Variants in NLGN1 observed in about 807,000 individuals in gnomAD.
NLGN1 encodes the protein neuroligin-1.
A neutral mutation model predicts 65.5 loss-of-function variants in NLGN1; 12 were observed. The observed-to-expected ratio is 0.18, with a 90% CI of 0.12 to 0.30. NLGN1 has a LOEUF of 0.30. Ranked by LOEUF, NLGN1 falls within the 10% of genes least tolerant of loss-of-function variation. NLGN1 has a pLI of 1.00. For missense variants in NLGN1, 750 were observed against 1,007.1 expected (o/e 0.74, Z 3.46); for synonymous variants, 350 against 359.5 (o/e 0.97, Z 0.30).
chr3:174,288,006 C>T (rs751170549), downstream of NLGN1, among the ~76,000 whole-genome samples: 1 of 151,484 alleles, frequency 6.6e-6, no homozygotes, highest in Non-Finnish European at 1.5e-5. Flanking sequence ...GTGTTAAACA[C>T]GTGGCCAATT....
intron 4 of NLGN1, among the ~76,000 whole-genome samples, chr3:174,134,835 G>C (rs1417696481): frequency 6.6e-6 from 1 of 152,134 alleles, no homozygotes; most frequent in Non-Finnish European, 1.5e-5. Flanking sequence ...TAAAAGCAGA[G>C]GCGAAGGTCT....
chr3:173,954,924 T>G (rs1244900133), intron 4 of NLGN1, among the ~76,000 whole-genome samples: 1 of 152,064 alleles, frequency 6.6e-6, no homozygotes, highest in East Asian at 1.9e-4. Context: ...CTCCATTAGG[T>G]ATCAACAGGT....
intron 4 of NLGN1, among the ~76,000 whole-genome samples, chr3:173,970,309 A>G (rs1022277146): frequency 3.9e-5 from 6 of 152,158 alleles, no homozygotes; most frequent in African/African-American, 1.4e-4. Context: ...GAGAAAATGT[A>G]CAGGGTGCGT....
Position 174,105,017 on chromosome 3 carries a change from A to C in NLGN1, c.647-170298A>C, listed in dbSNP as rs140960333. ...AAGGATGTGTTCTCAGATTATAACT[A>C]GCAGCAAACATGGAAAAGAATGAGT... On this transcript the variant is annotated intron_variant, in intron 4 of 6. Transcript: ENST00000457714. Among the ~76,000 whole-genome samples, 36 of 152,284 alleles carry C rather than the reference A, an allele frequency of 2.4e-4. No homozygotes were observed. In the East Asian group the frequency reaches 6.8e-3, roughly 29 times the overall value.
At chr3:173,789,988 C>G (rs1489482055) in intron 3 of NLGN1, 1 of 416,580 alleles carries the variant, frequency 2.4e-6, no homozygotes, top group Admixed American at 2.8e-5. Flanking sequence ...CCTTTGTTGT[C>G]ATAACCATGC....
chr3:173,677,563 A>C (rs1207344717), intron 3 of NLGN1, among the ~76,000 whole-genome samples: 1 of 152,130 alleles, frequency 6.6e-6, no homozygotes, highest in African/African-American at 2.4e-5. Context: ...ACAGATGAGC[A>C]GAAATATTGT....
At chr3:174,115,402 T>C (rs1716176186) in intron 4 of NLGN1, among the ~76,000 whole-genome samples, 1 of 152,202 alleles carries the variant, frequency 6.6e-6, no homozygotes, top group African/African-American at 2.4e-5. Context: ...TCAGCTGTTA[T>C]TTAGGTTCTA....
chr3:173,940,702 A>G (rs1309248037), intron 4 of NLGN1, among the ~76,000 whole-genome samples: 2 of 152,090 alleles, frequency 1.3e-5, no homozygotes, highest in Non-Finnish European at 2.9e-5. Context: ...TAATAATCCT[A>G]TCCTGTTATA....
At chr3:174,046,966 A>G (rs1054787562) in intron 4 of NLGN1, among the ~76,000 whole-genome samples, 5 of 152,050 alleles carry the variant, frequency 3.3e-5, no homozygotes, top group Admixed American at 6.6e-5. Context: ...TTGAATGTAA[A>G]TGAAATTGTT....
intron 4 of NLGN1, among the ~76,000 whole-genome samples, chr3:173,946,143 T>G (rs961103230): frequency 2.0e-5 from 3 of 152,208 alleles, no homozygotes; most frequent in African/African-American, 7.2e-5. Flanking sequence ...AGTTTAGAAA[T>G]GCAAATTATT....
intron 4 of NLGN1, among the ~76,000 whole-genome samples, chr3:174,124,473 T>C (rs1718426422): frequency 6.7e-6 from 1 of 149,670 alleles, no homozygotes; most frequent in Non-Finnish European, 1.5e-5. Flanking sequence ...AAATATATTA[T>C]AGATTATGTA....
At chr3:174,051,770 G>A (rs1734941776) in intron 4 of NLGN1, among the ~76,000 whole-genome samples, 1 of 152,054 alleles carries the variant, frequency 6.6e-6, no homozygotes, top group South Asian at 2.1e-4. Context: ...GTGGAATTAT[G>A]TTCTGTGCCA....
chr3:174,062,682 TTCTA>T (rs916820940), intron 4 of NLGN1, among the ~76,000 whole-genome samples: 6 of 152,180 alleles, frequency 3.9e-5, no homozygotes, highest in South Asian at 2.1e-4. Flanking sequence ...AAACTATTGT[TTCTA>T]TCTAATTTTT....
chr3:174,059,803 G>C (rs1278020007), intron 4 of NLGN1, among the ~76,000 whole-genome samples: 1 of 152,134 alleles, frequency 6.6e-6, no homozygotes, highest in Non-Finnish European at 1.5e-5. Flanking sequence ...GAGCAGTTAA[G>C]TAATGCTGAA....
chr3:173,446,309 G>A (rs937542246), intron 2 of NLGN1, among the ~76,000 whole-genome samples: 3 of 149,362 alleles, frequency 2.0e-5, no homozygotes, highest in African/African-American at 7.4e-5. Flanking sequence ...GTGAGAACAT[G>A]CGGTGTTTGG....
chr3:173,811,596 A>T (rs1717956645), intron 4 of NLGN1, among the ~76,000 whole-genome samples: 1 of 151,222 alleles, frequency 6.6e-6, no homozygotes, highest in Non-Finnish European at 1.5e-5. Context: ...GGAAGAAAAG[A>T]AGAGAAAAGA....
intron 3 of NLGN1, among the ~76,000 whole-genome samples, chr3:173,698,308 C>G (rs1243521883): frequency 6.6e-6 from 1 of 152,160 alleles, no homozygotes; most frequent in Non-Finnish European, 1.5e-5. Flanking sequence ...ACTGAATTAT[C>G]AAATCGAAGA....
chr3:173,817,387 T>A (rs1333295646), intron 4 of NLGN1, among the ~76,000 whole-genome samples: 1 of 152,198 alleles, frequency 6.6e-6, no homozygotes, highest in African/African-American at 2.4e-5. Context: ...TGATCAAAGT[T>A]GACATTCTGC....
chr3:173,466,738 T>C (rs1465917991), intron 2 of NLGN1, among the ~76,000 whole-genome samples: 3 of 152,314 alleles, frequency 2.0e-5, no homozygotes, highest in Middle Eastern at 3.4e-3. Context: ...ATATTAAATT[T>C]AGATTTGGAA....
Sources: gnomAD v4.1 joint callset for allele counts (sites outside exome capture counted in the v4.1 genomes callset) on GRCh38, gnomAD v4.1.1 for gene constraint, MANE v1.5 for transcripts, NCBI Gene and HGNC (gene_info 2026-07-23, HGNC 2026-07-21) for gene names.